The following CTDSPL variants were observed in gnomAD, a reference collection of about 807,000 sequenced individuals.
The protein encoded by CTDSPL is CTD small phosphatase like, also known as CTD small phosphatase-like protein.
Under a neutral mutation model 30.5 loss-of-function variants are expected in CTDSPL, and 8 were observed. The observed-to-expected ratio is 0.26, with a 90% CI of 0.15 to 0.47. The LOEUF is 0.47. Among genes scored for constraint, CTDSPL ranks in the 20% least tolerant of loss-of-function variants. The pLI is 0.99. For synonymous variants in CTDSPL, 110 were observed against 137.9 expected, an observed-to-expected ratio of 0.80 and a Z score of 1.42; for missense variants, 248 against 366.1, an observed-to-expected ratio of 0.68 and a Z score of 2.63.
chr3:37,911,331 A>G (rs1454616356), intron 1 of CTDSPL, among the ~76,000 whole-genome samples: 1 of 152,200 alleles, frequency 6.6e-6, no homozygotes, highest in Admixed American at 6.5e-5. Flanking sequence ...AGAAGCTCAC[A>G]CCTTTAAGTA....
At chr3:37,896,153 C>T (rs1478678969) in intron 1 of CTDSPL, among the ~76,000 whole-genome samples, 2 of 152,142 alleles carry the variant, frequency 1.3e-5, no homozygotes, top group Non-Finnish European at 2.9e-5. Flanking sequence ...GTTTTCCCTG[C>T]CTTCTGGAAA....
At chr3:37,902,836 A>G (rs1698467136) in intron 1 of CTDSPL, among the ~76,000 whole-genome samples, 1 of 152,168 alleles carries the variant, frequency 6.6e-6, no homozygotes, top group South Asian at 2.1e-4. Flanking sequence ...TCCTCAACAC[A>G]GGCCTGTGGC....
intron 3 of CTDSPL, among the ~76,000 whole-genome samples, chr3:37,961,417 G>A (rs1182005481): frequency 2.0e-5 from 3 of 152,154 alleles, no homozygotes; most frequent in Non-Finnish European, 4.4e-5. Flanking sequence ...CTTGGCCCCA[G>A]TGAGGAACGC....
intron 1 of CTDSPL, among the ~76,000 whole-genome samples, chr3:37,945,464 G>A (rs1699024592): frequency 6.6e-6 from 1 of 152,242 alleles, no homozygotes; most frequent in Non-Finnish European, 1.5e-5. Flanking sequence ...TATCTCCTTA[G>A]GAGTATGTGA....
chr3:37,926,609 T>C (rs1698784496), intron 1 of CTDSPL, among the ~76,000 whole-genome samples: 1 of 152,236 alleles, frequency 6.6e-6, no homozygotes, highest in African/African-American at 2.4e-5. Flanking sequence ...ATGTGGAATA[T>C]TCTGGATGAA....
At chr3:37,883,869 G>A (rs1698235093) in intron 1 of CTDSPL, among the ~76,000 whole-genome samples, 1 of 152,142 alleles carries the variant, frequency 6.6e-6, no homozygotes, top group Non-Finnish European at 1.5e-5. Flanking sequence ...AATAATGAGT[G>A]AAAGTTGCTC....
intron 5 of CTDSPL, 65 bp downstream of exon 5, chr3:37,967,947 C>A: frequency 1.9e-6 from 2 of 1,078,896 alleles, no homozygotes; most frequent in Non-Finnish European, 1.4e-6. Flanking sequence ...TTCCTATGAA[C>A]TTTATTTCTA....
At chr3:37,912,791 T>C (rs776405142) in intron 1 of CTDSPL, among the ~76,000 whole-genome samples, 3 of 152,216 alleles carry the variant, frequency 2.0e-5, no homozygotes, top group Non-Finnish European at 4.4e-5. Context: ...ACAAGTCTAG[T>C]TTGCTGTTTC....
At chr3:37,953,176 C>T (rs773446778) in intron 2 of CTDSPL, among the ~76,000 whole-genome samples, 2 of 152,138 alleles carry the variant, frequency 1.3e-5, no homozygotes, top group Non-Finnish European at 2.9e-5. Context: ...ACTTACAGCA[C>T]ATCTTAATTT....
intron 1 of CTDSPL, among the ~76,000 whole-genome samples, chr3:37,928,431 G>A (rs1045401421): frequency 6.6e-6 from 1 of 152,176 alleles, no homozygotes; most frequent in Non-Finnish European, 1.5e-5. Flanking sequence ...AGCCTAATAG[G>A]TGTGAAGTGA....
At chr3:37,916,662 C>G (rs1191306887) in intron 1 of CTDSPL, among the ~76,000 whole-genome samples, 1 of 152,140 alleles carries the variant, frequency 6.6e-6, no homozygotes, top group Non-Finnish European at 1.5e-5. Context: ...CATGGCCCTC[C>G]TGACAGCTTG....
At chr3:37,932,207 G>A (rs1238904288) in intron 1 of CTDSPL, among the ~76,000 whole-genome samples, 1 of 152,122 alleles carries the variant, frequency 6.6e-6, no homozygotes, top group Non-Finnish European at 1.5e-5. Flanking sequence ...ACATCCTACT[G>A]TATACCAGGA....
At chr3:37,960,498 AAAAAAAAATATATAT>A (rs1320323491) in intron 3 of CTDSPL, among the ~76,000 whole-genome samples, 4 of 64,194 alleles carry the variant, frequency 6.2e-5, no homozygotes, top group African/African-American at 2.8e-4. Context: ...AAAAAAAAAA[AAAAAAAAATATATAT>A]ATATATATAT....
intron 4 of CTDSPL, among the ~76,000 whole-genome samples, chr3:37,965,442 T>A (rs866681900): frequency 3.3e-5 from 5 of 152,310 alleles, no homozygotes; most frequent in Middle Eastern, 3.4e-3. Context: ...AGGCAAATGA[T>A]GAAAAGTTTG....
Position 37,862,736 on chromosome 3 carries a change from G to T in CTDSPL, c.79+458G>T, listed in dbSNP as rs764303686. Reference sequence around the variant, plus strand: ...TGAGTGCTTTTTTTCCTGACAGGCTGTGAGTTTGTGTTGTGTGTATTAGAG... The same window carrying T: ...TGAGTGCTTTTTTTCCTGACAGGCTTTGAGTTTGTGTTGTGTGTATTAGAG... On this transcript the variant is annotated intron_variant, in intron 1 of 7. Coordinates refer to ENST00000273179, the MANE Select transcript of CTDSPL (RefSeq NM_001008392.2). The surrounding 1 kb of genome is among the most constrained non-coding windows in gnomAD (Gnocchi z 4.3). Among the ~76,000 whole-genome samples, 4 of 152,218 alleles carry T rather than the reference G, an allele frequency of 2.6e-5. No individual in the cohort carries two copies. The highest frequency in any genetic ancestry group is 6.5e-5 in the Admixed American group (1 of 15,288).
rs1056628018 is a variant in CTDSPL at position 37,862,152 on chromosome 3, TGGCTTGCGGGGGGCCG to T, written c.-44_-29del. 1.2e-4 allele frequency: 115 copies of T among 959,290 alleles called. No individual in the cohort carries two copies. The highest frequency in any genetic ancestry group is 1.4e-4 in the Non-Finnish European group (110 of 807,584). The allele number at this position is 959,290 out of a possible 1,614,324, so 59.4% of individuals were successfully genotyped here. The stretch of plus-strand genomic sequence containing the variant: ...CCCCCGCGCCGCGCCCCCGCGCGCT[TGGCTTGCGGGGGGCCG>T]GGCCTGCGGGCGGCCGCCGCGCCGC... On this transcript the variant is annotated 5_prime_UTR_variant, in exon 1 of 8. Coordinates refer to ENST00000273179, the MANE Select transcript of CTDSPL (RefSeq NM_001008392.2). The surrounding 1 kb of genome is among the most constrained non-coding windows in gnomAD (Gnocchi z 4.3).
At chr3:37,978,392 A>T (rs1699453029) in intron 7 of CTDSPL, among the ~76,000 whole-genome samples, 1 of 152,210 alleles carries the variant, frequency 6.6e-6, no homozygotes, top group Admixed American at 6.5e-5. Flanking sequence ...GGATTTTGGA[A>T]TATTTGCATA....
At chr3:37,945,513 C>G (rs11914867) in intron 1 of CTDSPL, among the ~76,000 whole-genome samples, 3,657 of 152,244 alleles carry the variant, frequency 0.024, 144 homozygotes, top group African/African-American at 0.083. Context: ...CAGGGTTGGC[C>G]CTTGGTAAAC....
intron 1 of CTDSPL, among the ~76,000 whole-genome samples, chr3:37,908,021 G>A (rs569482046): frequency 6.6e-6 from 1 of 152,236 alleles, no homozygotes; most frequent in East Asian, 1.9e-4. Context: ...AAGTCTGAAA[G>A]CTTCTACAGT....
Sources: allele counts gnomAD v4.1 joint callset (sites outside exome capture counted in the v4.1 genomes callset), GRCh38; gene constraint gnomAD v4.1.1; non-coding constraint Gnocchi (gnomAD v3.1); transcripts MANE v1.5; gene names NCBI Gene and HGNC (gene_info 2026-07-23, HGNC 2026-07-21).